ANOS1: variants seen among roughly 807,000 people sequenced by gnomAD.
ANOS1 encodes the protein anosmin-1.
In ANOS1, 6 loss-of-function variants were observed where a neutral mutation model predicts 59.0. The observed-to-expected ratio is 0.10, with a 90% CI of 0.06 to 0.20. ANOS1 has a LOEUF of 0.20. Ranked by LOEUF, ANOS1 falls within the 10% of genes least tolerant of loss-of-function variation. The pLI, the probability that ANOS1 is intolerant of heterozygous loss-of-function variation, is 1.00. For missense variants in ANOS1, 433 were observed against 542.3 expected (o/e 0.80, Z 2.00); for synonymous variants, 217 against 223.4 (o/e 0.97, Z 0.25).
Position 8,529,707 on chromosome X carries a change from T to A in ANOS1, c.*3288A>T, listed in dbSNP as rs753344812. On this transcript the variant is annotated 3_prime_UTR_variant, in exon 14 of 14. Coordinates refer to ENST00000262648, the MANE Select transcript of ANOS1 (RefSeq NM_000216.4). ...CTCTAGAAATTCACTGGGTTTCTTA[T>A]AAAGGGCAAATTCAGTAAAGATCAT... The A allele has an allele frequency of 1.8e-5, 2 of 111,874 alleles. No homozygotes were observed. The highest frequency in any genetic ancestry group is 7.4e-4 in the South Asian group (2 of 2,708). The allele number at this position is 111,874 out of a possible 1,213,427, so 9.2% of individuals were successfully genotyped here.
At chrX:8,604,595 C>T (rs2108401) in intron 3 of ANOS1, among the ~76,000 whole-genome samples, 49,958 of 110,434 alleles carry the variant, frequency 0.45, 8,739 homozygotes, top group African/African-American at 0.64. Flanking sequence ...ATAGCTCCAT[C>T]TACCCAGATA....
chrX:8,562,390 T>C (rs1411070564), intron 8 of ANOS1, among the ~76,000 whole-genome samples: 1 of 111,960 alleles, frequency 8.9e-6, no homozygotes, highest in Non-Finnish European at 1.9e-5. Flanking sequence ...AAAAAACAGA[T>C]AAGGTGCATA....
chrX:8,575,353 G>A (rs1049251459), intron 6 of ANOS1, among the ~76,000 whole-genome samples: 1 of 111,981 alleles, frequency 8.9e-6, no homozygotes, highest in Non-Finnish European at 1.9e-5. Flanking sequence ...AATAACAGCC[G>A]TTCGTGTTCT....
chrX:8,650,888 C>T (rs1234271234), intron 2 of ANOS1, among the ~76,000 whole-genome samples: 1 of 112,205 alleles, frequency 8.9e-6, no homozygotes, highest in Non-Finnish European at 1.9e-5. Context: ...GAAAAGGAGT[C>T]GGGGCTCAAC....
chrX:8,611,470 T>C (rs1195003521), intron 3 of ANOS1, among the ~76,000 whole-genome samples: 4 of 110,542 alleles, frequency 3.6e-5, no homozygotes, highest in Non-Finnish European at 7.6e-5. Context: ...TAAAATTGTA[T>C]GTCCAAAGTT....
intron 1 of ANOS1, among the ~76,000 whole-genome samples, chrX:8,710,253 G>A (rs944251732): frequency 9.0e-6 from 1 of 111,660 alleles, no homozygotes; most frequent in East Asian, 2.8e-4. Context: ...AATTTATGAG[G>A]GCTTTTGAAA....
intron 9 of ANOS1, among the ~76,000 whole-genome samples, chrX:8,549,630 A>G (rs1019430997): frequency 8.9e-6 from 1 of 112,258 alleles, no homozygotes; most frequent in Admixed American, 9.4e-5. Context: ...CTCTCTCTGC[A>G]CTATAAGCAG....
chrX:8,610,015 AAAAAAAAAAAAAAAAAAAAACAAC>A lies in ANOS1; in HGVS notation c.319-12783_319-12760del. Among the ~76,000 whole-genome samples, 2 of 85,468 alleles carry A rather than the reference AAAAAAAAAAAAAAAAAAAAACAAC, an allele frequency of 2.3e-5. 1 individual carries two copies. The highest frequency in any genetic ancestry group is 4.6e-5 in the Non-Finnish European group (2 of 43,329). The allele number at this position is 85,468 out of a possible 115,157, so 74.2% of individuals were successfully genotyped here. A position where few individuals can be genotyped will look rare whatever the true frequency, so the allele number is the denominator to read the frequency against. On this transcript the variant is annotated intron_variant, in intron 3 of 13. Coordinates refer to ENST00000262648, the MANE Select transcript of ANOS1 (RefSeq NM_000216.4). ...GAGCAAGACTCCATCTCAAAAAAAAAAAAAAAAAAAAAAAAAAAAACAACAACCTTTAAAGAGCACCCATTTTTC... is the reference window on the plus strand; with the variant it reads ...GAGCAAGACTCCATCTCAAAAAAAAAAACCTTTAAAGAGCACCCATTTTTC...
At chrX:8,662,177 C>T (rs770073807) in intron 2 of ANOS1, among the ~76,000 whole-genome samples, 1 of 111,580 alleles carries the variant, frequency 9.0e-6, no homozygotes, top group African/African-American at 3.3e-5. Context: ...GCAGGACCCA[C>T]AATTTTTGCT....
intron 1 of ANOS1, among the ~76,000 whole-genome samples, chrX:8,712,463 ATAAAT>A (rs1932818118): frequency 8.9e-6 from 1 of 112,639 alleles, no homozygotes; most frequent in African/African-American, 3.2e-5. Context: ...AGCGACTAAA[ATAAAT>A]TAAAGCCATG....
chrX:8,632,773 T>A (rs968883911), intron 2 of ANOS1, among the ~76,000 whole-genome samples: 1 of 102,512 alleles, frequency 9.8e-6, no homozygotes. Context: ...TTGGGGTTCT[T>A]AAAAAAAAAA....
At chrX:8,623,587 G>A (rs773546110) in intron 3 of ANOS1, 21 bp downstream of exon 3, 2 of 1,165,210 alleles carry the variant, frequency 1.7e-6, no homozygotes, top group African/African-American at 1.8e-5. Flanking sequence ...AGTGTTTTAA[G>A]TACCACTGAC....
At chrX:8,593,380 G>A (rs751188466) in intron 4 of ANOS1, among the ~76,000 whole-genome samples, 11 of 111,542 alleles carry the variant, frequency 9.9e-5, no homozygotes, top group Non-Finnish European at 2.1e-4. Context: ...AAGGTAAACC[G>A]GGGAAATGTT....
At chrX:8,570,373 A>G (rs761649839) in intron 7 of ANOS1, 126 bp downstream of exon 7, 1 of 596,476 alleles carries the variant, frequency 1.7e-6, no homozygotes, top group South Asian at 2.5e-5. Context: ...GTAGAAATGA[A>G]TGGGAGGGAA....
At chrX:8,611,272 T>C (rs901335977) in intron 3 of ANOS1, among the ~76,000 whole-genome samples, 1 of 100,610 alleles carries the variant, frequency 9.9e-6, no homozygotes, top group East Asian at 3.0e-4. Flanking sequence ...AATAAATAAA[T>C]AAATAAACTA....
chrX:8,711,621 C>A (rs1932813051), intron 1 of ANOS1, among the ~76,000 whole-genome samples: 1 of 112,650 alleles, frequency 8.9e-6, no homozygotes, highest in Non-Finnish European at 1.9e-5. Flanking sequence ...GTGATATGAC[C>A]ACTTTGCACA....
At chrX:8,614,517 T>C (rs1079854) in intron 3 of ANOS1, among the ~76,000 whole-genome samples, 41,940 of 110,234 alleles carry the variant, frequency 0.38, 5,812 homozygotes, top group South Asian at 0.43. Context: ...CCCTTTTAGT[T>C]CGCATCTCAC....
chrX:8,727,426 T>A (rs1370138938), intron 1 of ANOS1, among the ~76,000 whole-genome samples: 1 of 112,273 alleles, frequency 8.9e-6, no homozygotes, highest in Non-Finnish European at 1.9e-5. Flanking sequence ...TATGGTTGTG[T>A]CTGTCCCCAT....
At chrX:8,538,007 T>G (rs1441937525) in intron 10 of ANOS1, among the ~76,000 whole-genome samples, 19 of 110,942 alleles carry the variant, frequency 1.7e-4, no homozygotes, top group Non-Finnish European at 3.0e-4. Flanking sequence ...GGGAGTGACC[T>G]CCAGGTGTGC....
Sources: gnomAD v4.1 joint callset for allele counts (sites outside exome capture counted in the v4.1 genomes callset) on GRCh38, gnomAD v4.1.1 for gene constraint, MANE v1.5 for transcripts, NCBI Gene and HGNC (gene_info 2026-07-23, HGNC 2026-07-21) for gene names.